ATL1: variants seen among roughly 807,000 people sequenced by gnomAD.
The protein encoded by ATL1 is atlastin-1.
A neutral mutation model predicts 75.5 loss-of-function variants in ATL1; 31 were observed. The observed-to-expected ratio is 0.41, with a 90% CI of 0.31 to 0.55. ATL1 has a LOEUF of 0.55. ATL1 is among the 20% of genes least tolerant of loss of function. ATL1 has a pLI of 0.27. For synonymous variants in ATL1, 226 were observed against 233.3 expected (o/e 0.97, Z 0.28); for missense variants, 405 against 662.6 (o/e 0.61, Z 4.27).
chr14:50,573,219 C>T lies in ATL1; in HGVS notation c.34+12920C>T, dbSNP rs115296137. On this transcript the variant is annotated intron_variant, in intron 1 of 13. Coordinates refer to ENST00000358385, the MANE Select transcript of ATL1 (RefSeq NM_015915.5). ...TCAGTGTCCATAATATTTTTTTTAC[C>T]CATGAATATAGAAAAAGTATGGATT... 4.5e-3 allele frequency among the ~76,000 whole-genome samples: 691 copies of T among 152,052 alleles called. 7 individuals are homozygous for T. Among genetic ancestry groups the T allele is most frequent in the African/African-American group, 0.016 (660 of 41,468 alleles).
intron 1 of ATL1, among the ~76,000 whole-genome samples, chr14:50,547,632 T>C (rs998417754): frequency 2.0e-5 from 3 of 152,194 alleles, no homozygotes; most frequent in African/African-American, 7.2e-5. Context: ...AACAGCCCTG[T>C]GTGGCCTGTG....
At chr14:50,581,615 T>C (rs1352662552) in intron 1 of ATL1, among the ~76,000 whole-genome samples, 2 of 152,224 alleles carry the variant, frequency 1.3e-5, no homozygotes, top group African/African-American at 2.4e-5. Context: ...TTCCAAACAT[T>C]TAGAGATTTT....
chr14:50,534,251 CAA>C (rs1275987496), intron 1 of ATL1, among the ~76,000 whole-genome samples: 1 of 151,982 alleles, frequency 6.6e-6, no homozygotes, highest in Non-Finnish European at 1.5e-5. Context: ...TACTATAAAA[CAA>C]GATAAAAATA....
chr14:50,540,590 A>G (rs2038548589), intron 1 of ATL1, among the ~76,000 whole-genome samples: 1 of 152,204 alleles, frequency 6.6e-6, no homozygotes, highest in African/African-American at 2.4e-5. Context: ...AGGTTAATTG[A>G]TATTAGCTCT....
At chr14:50,589,255 G>C (rs2039132649) in intron 2 of ATL1, among the ~76,000 whole-genome samples, 1 of 151,142 alleles carries the variant, frequency 6.6e-6, no homozygotes, top group Non-Finnish European at 1.5e-5. Context: ...TGCCTCCCGG[G>C]TTCAAGGATT....
At chr14:50,534,275 T>C (rs2140137137) in intron 1 of ATL1, among the ~76,000 whole-genome samples, 1 of 152,296 alleles carries the variant, frequency 6.6e-6, no homozygotes, top group African/African-American at 2.4e-5. Flanking sequence ...GTGGGCAAAC[T>C]AGTATGACGT....
At chr14:50,613,679 T>G (rs2039387567) in intron 7 of ATL1, among the ~76,000 whole-genome samples, 1 of 152,150 alleles carries the variant, frequency 6.6e-6, no homozygotes, top group Non-Finnish European at 1.5e-5. Context: ...AATGTAAAAT[T>G]AGAAGACCTT....
intron 11 of ATL1, 54 bp from the exon 12 acceptor site, chr14:50,627,977 A>T: frequency 6.3e-7 from 1 of 1,583,294 alleles, no homozygotes; most frequent in Non-Finnish European, 8.7e-7. Context: ...ATTTTGATAC[A>T]GTTGCCAATT....
intron 4 of ATL1, among the ~76,000 whole-genome samples, chr14:50,593,016 TATG>T (rs2039177898): frequency 1.3e-5 from 2 of 150,312 alleles, no homozygotes; most frequent in South Asian, 4.2e-4. Flanking sequence ...TAATGTACAA[TATG>T]ATATTTTGAA....
chr14:50,621,495 G>T (rs967763110), intron 9 of ATL1, among the ~76,000 whole-genome samples: 14 of 152,152 alleles, frequency 9.2e-5, no homozygotes, highest in Non-Finnish European at 7.3e-5. Flanking sequence ...CTTCACAAGG[G>T]TCTGTTCCAT....
At chr14:50,586,634 C>G (rs1318641062) in intron 1 of ATL1, among the ~76,000 whole-genome samples, 6 of 152,012 alleles carry the variant, frequency 3.9e-5, no homozygotes, top group Middle Eastern at 3.2e-3. Context: ...ACTTTCTGTT[C>G]TTATGATATA....
At chr14:50,614,980 A>C (rs116262990) in intron 8 of ATL1, among the ~76,000 whole-genome samples, 2,021 of 152,218 alleles carry the variant, frequency 0.013, 46 homozygotes, top group African/African-American at 0.046. Flanking sequence ...CTTGTGTGGA[A>C]GAAGAAGAGG....
chr14:50,566,023 A>G (rs896569632), intron 1 of ATL1, among the ~76,000 whole-genome samples: 25 of 151,980 alleles, frequency 1.6e-4, no homozygotes, highest in Admixed American at 1.6e-3. Context: ...TTTGAGACAG[A>G]GTCTCTCTCT....
At chr14:50,549,672 A>G (rs1200880527) in intron 1 of ATL1, among the ~76,000 whole-genome samples, 1 of 152,164 alleles carries the variant, frequency 6.6e-6, no homozygotes, top group Non-Finnish European at 1.5e-5. Flanking sequence ...GCTCCCATTC[A>G]TGGGCCACGA....
chr14:50,578,537 C>T (rs764902311), intron 1 of ATL1, among the ~76,000 whole-genome samples: 59 of 152,180 alleles, frequency 3.9e-4, no homozygotes, highest in Non-Finnish European at 6.6e-4. Flanking sequence ...CCTTTTCAAC[C>T]TGCTCCATGC....
chr14:50,536,196 G>C (rs981188025), intron 1 of ATL1, among the ~76,000 whole-genome samples: 1 of 152,222 alleles, frequency 6.6e-6, no homozygotes, highest in African/African-American at 2.4e-5. Context: ...TGTAATCCCA[G>C]CACTTTGGGA....
chr14:50,567,746 G>A (rs1226651003), intron 1 of ATL1, among the ~76,000 whole-genome samples: 1 of 152,076 alleles, frequency 6.6e-6, no homozygotes, highest in Non-Finnish European at 1.5e-5. Flanking sequence ...TTGATCATTT[G>A]TTGTTTAAGA....
chr14:50,621,407 T>A (rs2039465818), intron 9 of ATL1, among the ~76,000 whole-genome samples: 1 of 152,222 alleles, frequency 6.6e-6, no homozygotes, highest in African/African-American at 2.4e-5. Context: ...ATAAATGCCA[T>A]GTTATTAATC....
At chr14:50,623,343 A>G in intron 11 of ATL1, 95 bp downstream of exon 11, 1 of 962,398 alleles carries the variant, frequency 1.0e-6, no homozygotes, top group Non-Finnish European at 1.6e-6. Context: ...CTGTACACAC[A>G]TGCAATGAGG....
Sources: gnomAD v4.1 joint callset for allele counts (sites outside exome capture counted in the v4.1 genomes callset) on GRCh38, gnomAD v4.1.1 for gene constraint, MANE v1.5 for transcripts, NCBI Gene and HGNC (gene_info 2026-07-23, HGNC 2026-07-21) for gene names.